Variants in DPYD observed in about 807,000 individuals in gnomAD.
The protein encoded by DPYD is dihydropyrimidine dehydrogenase [NADP(+)].
Under a neutral mutation model 116.2 loss-of-function variants are expected in DPYD, and 109 were observed. That is an observed-to-expected ratio of 0.94 (90% confidence interval 0.80 to 1.10). The LOEUF is 1.10. DPYD is among the 50% of genes least tolerant of loss of function. The pLI is 0.00. For synonymous variants in DPYD, 440 were observed against 432.0 expected, an observed-to-expected ratio of 1.02 and a Z score of -0.23; for missense variants, 1,302 against 1,254.5, an observed-to-expected ratio of 1.04 and a Z score of -0.57.
chr1:97,251,388 GTC>G (rs1402829759), intron 18 of DPYD, among the ~76,000 whole-genome samples: 11 of 60,808 alleles, frequency 1.8e-4, no homozygotes, highest in African/African-American at 7.0e-4. Context: ...GTGAAACTCT[GTC>G]TAAAAAAAAA....
chr1:97,309,232 C>A (rs537922255), intron 16 of DPYD, among the ~76,000 whole-genome samples: 2 of 151,628 alleles, frequency 1.3e-5, no homozygotes, highest in East Asian at 1.9e-4. Context: ...TACACAAAAA[C>A]GTCTACGTAG....
intron 13 of DPYD, among the ~76,000 whole-genome samples, chr1:97,489,196 G>GA (rs748391725): frequency 1.2e-4 from 19 of 152,222 alleles, no homozygotes; most frequent in Non-Finnish European, 2.4e-4. Context: ...TCATTGTGAG[G>GA]AAAAATATAT....
intron 18 of DPYD, among the ~76,000 whole-genome samples, chr1:97,291,859 TA>T (rs200530558): frequency 5.0e-4 from 76 of 151,258 alleles, no homozygotes; most frequent in East Asian, 3.7e-3. Context: ...AAATAAACCC[TA>T]AAAAAAACCC....
intron 8 of DPYD, among the ~76,000 whole-genome samples, chr1:97,674,513 G>A (rs137978945): frequency 3.5e-4 from 53 of 152,208 alleles, no homozygotes; most frequent in African/African-American, 1.3e-3. Context: ...ATGAGGCTAT[G>A]AGATGAAAAC....
At chr1:97,331,951 T>C (rs574759534) in intron 16 of DPYD, among the ~76,000 whole-genome samples, 2 of 152,346 alleles carry the variant, frequency 1.3e-5, no homozygotes, top group East Asian at 1.9e-4. Flanking sequence ...GTTTTATCTA[T>C]TATCCAGAAA....
chr1:97,542,815 G>T (rs1467605500), intron 12 of DPYD, among the ~76,000 whole-genome samples: 1 of 152,010 alleles, frequency 6.6e-6, no homozygotes, highest in Non-Finnish European at 1.5e-5. Context: ...ATGCATAAAT[G>T]AGATTGATGG....
At chr1:97,228,708 TTTG>T (rs1216360090) in intron 19 of DPYD, among the ~76,000 whole-genome samples, 1 of 152,212 alleles carries the variant, frequency 6.6e-6, no homozygotes, top group Non-Finnish European at 1.5e-5. Flanking sequence ...AAGAATTCAT[TTTG>T]TTGGTACACA....
At chr1:97,509,732 T>A (rs1167536102) in intron 13 of DPYD, among the ~76,000 whole-genome samples, 2 of 151,938 alleles carry the variant, frequency 1.3e-5, no homozygotes, top group Non-Finnish European at 2.9e-5. Flanking sequence ...ACCTTAAAGA[T>A]CATCTCAAGA....
intron 13 of DPYD, among the ~76,000 whole-genome samples, chr1:97,480,276 C>A (rs1228755741): frequency 2.6e-5 from 4 of 151,956 alleles, no homozygotes; most frequent in Admixed American, 2.6e-4. Context: ...TGGAGAGTGG[C>A]ATAAAGTAAT....
At chr1:97,207,979 C>G (rs1025017067) in intron 19 of DPYD, among the ~76,000 whole-genome samples, 3 of 152,082 alleles carry the variant, frequency 2.0e-5, no homozygotes, top group Admixed American at 6.6e-5. Flanking sequence ...CAAATTTGTA[C>G]AAATATTATT....
chr1:97,514,519 A>G (rs1008584116), intron 13 of DPYD, among the ~76,000 whole-genome samples: 2 of 151,898 alleles, frequency 1.3e-5, no homozygotes, highest in African/African-American at 2.4e-5. Context: ...TAACGAATCA[A>G]TTGAAACAAA....
rs568923965 is a variant in DPYD at position 97,461,652 on chromosome 1, C to T, written c.1741-11429G>A. On this transcript the variant is annotated intron_variant, in intron 13 of 22. Coordinates refer to ENST00000370192, the MANE Select transcript of DPYD (RefSeq NM_000110.4). ...CCTAAATATAAGATAAGCAGCTATG[C>T]GATATAATAATTAAAATAATAAAAT... Among the ~76,000 whole-genome samples the T allele has an allele frequency of 5.9e-5, 9 of 152,148 alleles. No homozygotes were observed. In the South Asian group the frequency reaches 6.2e-4, roughly 11 times the overall value.
intron 11 of DPYD, among the ~76,000 whole-genome samples, chr1:97,568,750 A>T (rs1652698831): frequency 1.3e-5 from 2 of 152,110 alleles, no homozygotes; most frequent in African/African-American, 4.8e-5. Flanking sequence ...GAAAATAGTA[A>T]CTCATAAGAA....
At chr1:97,092,851 G>A (rs772774666) in intron 21 of DPYD, among the ~76,000 whole-genome samples, 2 of 151,942 alleles carry the variant, frequency 1.3e-5, no homozygotes, top group Non-Finnish European at 2.9e-5. Context: ...CTTATTATCA[G>A]CTCTTTACTA....
At chr1:97,695,474 G>A (rs1052850049) in intron 6 of DPYD, among the ~76,000 whole-genome samples, 3 of 149,830 alleles carry the variant, frequency 2.0e-5, no homozygotes, top group Non-Finnish European at 3.0e-5. Context: ...TTTATTGTTC[G>A]TTTATTGTCT....
Position 97,585,936 on chromosome 1 carries a change from G to C in DPYD, c.1128+7282C>G, listed in dbSNP as rs554438057. 9.4e-5 allele frequency: 15 copies of C among 160,044 alleles called. No homozygotes were observed. In the South Asian group the frequency reaches 2.1e-3, roughly 23 times the overall value. 9.9% of individuals were successfully genotyped at this position (160,044 alleles called of 1,614,324 possible). On this transcript the variant is annotated intron_variant, in intron 10 of 22. Coordinates refer to ENST00000370192, the MANE Select transcript of DPYD (RefSeq NM_000110.4). The stretch of plus-strand genomic sequence containing the variant: ...AAGGTATTTCAATGCACCTTCCCAT[G>C]TTCACAGAACAATTATGTCTTCCCT...
At chr1:97,202,561 A>T (rs1297906525) in intron 19 of DPYD, among the ~76,000 whole-genome samples, 3 of 152,212 alleles carry the variant, frequency 2.0e-5, no homozygotes, top group Non-Finnish European at 2.9e-5. Flanking sequence ...CAATTCTCCA[A>T]GTATTTTCTC....
At chr1:97,086,203 G>A (rs533625803) in intron 21 of DPYD, among the ~76,000 whole-genome samples, 29 of 152,114 alleles carry the variant, frequency 1.9e-4, no homozygotes, top group African/African-American at 6.5e-4. Flanking sequence ...ACAGGCGCCC[G>A]CCACCACGCC....
intron 13 of DPYD, among the ~76,000 whole-genome samples, chr1:97,477,604 C>CTTTTTTT (rs56199931): frequency 2.1e-4 from 24 of 113,668 alleles, no homozygotes; most frequent in African/African-American, 4.1e-4. Flanking sequence ...GACTGTTCTT[C>CTTTTTTT]TTTTTTTTTT....
Sources: gnomAD v4.1 joint callset for allele counts (sites outside exome capture counted in the v4.1 genomes callset) on GRCh38, gnomAD v4.1.1 for gene constraint, MANE v1.5 for transcripts, NCBI Gene and HGNC (gene_info 2026-07-23, HGNC 2026-07-21) for gene names.